The following ZNF469 variants were observed in gnomAD, a reference collection of about 807,000 sequenced individuals.
The protein encoded by ZNF469 is zinc finger protein 469.
Under a neutral mutation model 1.0 loss-of-function variants are expected in ZNF469, and 1 was observed. The ratio of observed to expected loss-of-function variants is 1.00; its 90% CI spans 0.35 to 4.73. ZNF469 has a LOEUF of 4.73. ZNF469 is among the 30% of genes most tolerant of loss of function. The probability of loss-of-function intolerance (pLI) is 0.16; values close to 1 mark genes in which losing one functional copy is unlikely to be tolerated. For missense variants in ZNF469, 6,100 were observed against 5,356.3 expected (o/e 1.14, Z -4.33); for synonymous variants, 2,703 against 2,363.4 (o/e 1.14, Z -4.17).
At chr16:88,385,114 C>T (rs550253660) in intron 1 of ZNF469, among the ~76,000 whole-genome samples, 5 of 152,326 alleles carry the variant, frequency 3.3e-5, no homozygotes, top group African/African-American at 1.2e-4. Context: ...CATCCTGCCA[C>T]CTTCCCCTGG....
chr16:88,422,196 G>A (rs879754113), intron 1 of ZNF469, among the ~76,000 whole-genome samples: 2 of 149,412 alleles, frequency 1.3e-5, no homozygotes, highest in African/African-American at 2.5e-5. Flanking sequence ...GGACGGGCAC[G>A]TGGATGGATG....
the ZNF469 span, among the ~76,000 whole-genome samples, chr16:88,371,968 AT>A: frequency 1.4e-5 from 2 of 146,334 alleles, no homozygotes; most frequent in Non-Finnish European, 3.0e-5. Context: ...CATCATCACC[AT>A]CACCACCATC....
At chr16:88,174,321 T>C in the ZNF469 span, among the ~76,000 whole-genome samples, 1 of 152,250 alleles carries the variant, frequency 6.6e-6, no homozygotes, top group Admixed American at 6.5e-5. Flanking sequence ...ATGTACATTC[T>C]TAATTACAAC....
Position 88,427,392 on chromosome 16 carries a change from G to C in ZNF469, c.-79G>C. ...CAGGCTTCCCTGGGGCCCATCGAGG[G>C]CTGAGGATGGCCGTCCAGCCCACTC... On this transcript the variant is annotated 5_prime_UTR_variant, in exon 3 of 3. Transcript: ENST00000565624. 7.3e-7 allele frequency: 1 copy of C among 1,377,124 alleles called. No homozygotes were observed. Among genetic ancestry groups the C allele is most frequent in the Non-Finnish European group, 9.5e-7 (1 of 1,048,526 alleles). 85.3% of individuals were successfully genotyped at this position (1,377,124 alleles called of 1,614,324 possible). A position where few individuals can be genotyped will look rare whatever the true frequency, so the allele number is the denominator to read the frequency against.
the ZNF469 span, among the ~76,000 whole-genome samples, chr16:88,300,677 C>T: frequency 2.0e-5 from 3 of 152,112 alleles, no homozygotes; most frequent in African/African-American, 4.8e-5. Context: ...GTGAGTGGGC[C>T]GCCTTCTTCA....
At chr16:88,264,793 G>A in the ZNF469 span, among the ~76,000 whole-genome samples, 98 of 143,650 alleles carry the variant, frequency 6.8e-4, no homozygotes, top group African/African-American at 2.3e-3. Context: ...ACCCTAGGCT[G>A]CCTGGCCACA....
At position 88,436,776 on chromosome 16, in the gene ZNF469, A is replaced by T; in HGVS notation, c.9306A>T (p.Gln3102His). Residue 3102 changes from glutamine to histidine, a missense_variant, in exon 3 of 3, where the codon CAA becomes CAT. Gln to His is a conservative substitution (Grantham distance 24). Coordinates refer to ENST00000565624, the MANE Select transcript of ZNF469 (RefSeq NM_001367624.2). ...AGGCTGCAGGGGCAGGGAGGGCCCAAGGCAGAGGCCGGCCGGCCAAGGGCA... is the reference window on the plus strand; with the variant it reads ...AGGCTGCAGGGGCAGGGAGGGCCCATGGCAGAGGCCGGCCGGCCAAGGGCA... ...TEEAAGAGRA[Q>H]GRGRPAKGRR... 3.9e-6 allele frequency: 6 copies of T among 1,546,272 alleles called. No homozygotes were observed. Among genetic ancestry groups the T allele is most frequent in the South Asian group, 3.6e-5 (3 of 84,016 alleles).
chr16:88,166,701 G>C, the ZNF469 span, among the ~76,000 whole-genome samples: 1 of 151,626 alleles, frequency 6.6e-6, no homozygotes, highest in South Asian at 2.1e-4. This position sits in a 1 kb window ranked among gnomAD's most constrained non-coding sequence, Gnocchi z 4.5. Flanking sequence ...CGTTTTTCAA[G>C]GGCTGGGTTT....
the ZNF469 span, among the ~76,000 whole-genome samples, chr16:88,372,113 CCACCA>C: frequency 5.5e-5 from 1 of 18,328 alleles, no homozygotes; most frequent in African/African-American, 2.0e-4. Flanking sequence ...ATCACCATCA[CCACCA>C]TCATCACCAT....
At chr16:88,372,106 A>C in the ZNF469 span, among the ~76,000 whole-genome samples, 97 of 50,976 alleles carry the variant, frequency 1.9e-3, no homozygotes, top group Middle Eastern at 0.012. Flanking sequence ...CACCATCATC[A>C]CCATCACCAC....
At chr16:88,398,554 A>G (rs62047067) in intron 1 of ZNF469, among the ~76,000 whole-genome samples, 38,201 of 149,214 alleles carry the variant, frequency 0.26, 5,368 homozygotes, top group African/African-American at 0.39. Flanking sequence ...CCACAGATGA[A>G]GAGAATGCGC....
Position 88,424,410 on chromosome 16 carries a change from C to T in ZNF469, c.-191-397C>T, listed in dbSNP as rs1192599744. 2.6e-5 allele frequency among the ~76,000 whole-genome samples: 4 copies of T among 152,200 alleles called. No individual in the cohort carries two copies. Among genetic ancestry groups the T allele is most frequent in the Non-Finnish European group, 5.9e-5 (4 of 68,032 alleles). ...AGGAAACACCAGAAGCTCCTCTAGT[C>T]TCCCCAGCGGGACTGGGGAGGGATC... On this transcript the variant is annotated intron_variant, in intron 1 of 2. Transcript: ENST00000565624. The surrounding 1 kb of genome is among the most constrained non-coding windows in gnomAD (Gnocchi z 4.3).
chr16:88,354,300 G>T, the ZNF469 span, among the ~76,000 whole-genome samples: 1 of 152,206 alleles, frequency 6.6e-6, no homozygotes, highest in African/African-American at 2.4e-5. Flanking sequence ...GGGGCCGGCT[G>T]CCTGCCAGCC....
At chr16:88,271,830 G>A in the ZNF469 span, among the ~76,000 whole-genome samples, 6,415 of 131,388 alleles carry the variant, frequency 0.049, 450 homozygotes, top group African/African-American at 0.16. Flanking sequence ...TGGATGGTGG[G>A]TGGTTGGGTA....
At chr16:88,336,386 T>C in the ZNF469 span, among the ~76,000 whole-genome samples, 671 of 69,260 alleles carry the variant, frequency 9.7e-3, 1 homozygote, top group Middle Eastern at 0.069. Flanking sequence ...CATGCCAACA[T>C]CACACATGTT....
the ZNF469 span, among the ~76,000 whole-genome samples, chr16:88,145,434 C>A: frequency 1.3e-4 from 20 of 152,238 alleles, no homozygotes; most frequent in African/African-American, 2.2e-4. Context: ...GCATTGGAAT[C>A]CCACAGCACT....
the ZNF469 span, among the ~76,000 whole-genome samples, chr16:88,227,596 G>A: frequency 2.6e-5 from 2 of 76,888 alleles, no homozygotes; most frequent in South Asian, 4.8e-4. Flanking sequence ...TCCCTCCCTC[G>A]AGTCTCCCCA....
the ZNF469 span, among the ~76,000 whole-genome samples, chr16:88,205,485 C>T: frequency 1.2e-4 from 19 of 152,170 alleles, no homozygotes; most frequent in Non-Finnish European, 2.5e-4. The surrounding 1 kb of genome is among the most constrained non-coding windows in gnomAD (Gnocchi z 4.2). Flanking sequence ...AAGAGCCTAA[C>T]ATCAACCTCA....
At chr16:88,159,764 G>T in the ZNF469 span, among the ~76,000 whole-genome samples, 1 of 152,078 alleles carries the variant, frequency 6.6e-6, no homozygotes, top group African/African-American at 2.4e-5. Context: ...TGGCTTTGTC[G>T]TCTTCACAGA....
Sources: gnomAD v4.1 joint callset for allele counts (sites outside exome capture counted in the v4.1 genomes callset) on GRCh38, gnomAD v4.1.1 for gene constraint, Gnocchi (gnomAD v3.1) non-coding constraint, MANE v1.5 for transcripts, NCBI Gene and HGNC (gene_info 2026-07-23, HGNC 2026-07-21) for gene names.